The following KIAA0825 variants were observed in gnomAD, a reference collection of about 807,000 sequenced individuals.
The protein encoded by KIAA0825 is KIAA0825.
In KIAA0825, 119 loss-of-function variants were observed where a neutral mutation model predicts 147.6. That is an observed-to-expected ratio of 0.81 (90% CI 0.69 to 0.94). The LOEUF is 0.94. KIAA0825 is among the 40% of genes least tolerant of loss of function. The pLI is 0.00. For missense variants in KIAA0825, 1,381 were observed against 1,472.7 expected, an observed-to-expected ratio of 0.94 and a Z score of 1.02; for synonymous variants, 470 against 518.1, an observed-to-expected ratio of 0.91 and a Z score of 1.26.
intron 2 of KIAA0825, among the ~76,000 whole-genome samples, chr5:94,537,349 C>T (rs1196072380): frequency 3.3e-5 from 5 of 152,098 alleles, no homozygotes; most frequent in African/African-American, 1.2e-4. Context: ...TTTCGCACTT[C>T]TGTATTGTTT....
intron 20 of KIAA0825, among the ~76,000 whole-genome samples, chr5:94,250,778 C>G (rs1344187002): frequency 6.6e-6 from 1 of 151,906 alleles, no homozygotes; most frequent in Non-Finnish European, 1.5e-5. Flanking sequence ...TAGAAATTAA[C>G]AAAACAAGTT....
chr5:94,259,100 T>C (rs1480070969), intron 20 of KIAA0825, among the ~76,000 whole-genome samples: 1 of 152,052 alleles, frequency 6.6e-6, no homozygotes, highest in African/African-American at 2.4e-5. Flanking sequence ...TGCTAGGTAG[T>C]TAAGTGATTT....
At position 94,417,869 on chromosome 5, in the gene KIAA0825, C is replaced by T. The variant is rs369714067; in HGVS notation, c.2498-504G>A. On this transcript the variant is annotated intron_variant, in intron 14 of 20. Transcript: ENST00000682413. ...ATGAATGTTTCTTAAATCCACAGACCTTGTCATATCAGACTGAAGAGTTTT... is the reference window on the plus strand; with the variant it reads ...ATGAATGTTTCTTAAATCCACAGACTTTGTCATATCAGACTGAAGAGTTTT... 1.1e-3 allele frequency among the ~76,000 whole-genome samples: 163 copies of T among 152,192 alleles called. 2 individuals are homozygous for T. Among genetic ancestry groups the T allele is most frequent in the African/African-American group, 3.8e-3 (157 of 41,538 alleles).
chr5:94,172,982 T>C (rs1248134026), intron 20 of KIAA0825, among the ~76,000 whole-genome samples: 1 of 152,202 alleles, frequency 6.6e-6, no homozygotes, highest in East Asian at 1.9e-4. Flanking sequence ...GGGTTGGTAT[T>C]TTACTGTCCC....
At chr5:94,308,999 GT>G (rs1778928149) in intron 20 of KIAA0825, among the ~76,000 whole-genome samples, 1 of 151,890 alleles carries the variant, frequency 6.6e-6, no homozygotes, top group African/African-American at 2.4e-5. Flanking sequence ...CTTTTCTTTA[GT>G]CATATTCAAT....
At chr5:94,602,219 C>T (rs549166738) in intron 1 of KIAA0825, among the ~76,000 whole-genome samples, 5 of 152,100 alleles carry the variant, frequency 3.3e-5, no homozygotes, top group Admixed American at 2.6e-4. Flanking sequence ...GGTGTGGTAG[C>T]GGGCACCTGT....
chr5:94,618,448 C>T (rs1791189945), intron 1 of KIAA0825, 52 bp downstream of exon 1: 1 of 152,578 alleles, frequency 6.6e-6, no homozygotes, highest in Admixed American at 6.5e-5. Context: ...GCACAGAGCC[C>T]CGGCCAGCCA....
At chr5:94,551,218 C>A (rs1426825185) in intron 2 of KIAA0825, among the ~76,000 whole-genome samples, 1 of 151,460 alleles carries the variant, frequency 6.6e-6, no homozygotes, top group Non-Finnish European at 1.5e-5. Context: ...GTTTATGGGA[C>A]ACAATTAAAT....
chr5:94,519,406 A>G (rs961620503), intron 5 of KIAA0825: 5 of 919,944 alleles, frequency 5.4e-6, no homozygotes, highest in African/African-American at 5.4e-5. Context: ...ACTAATGATA[A>G]TTTTAGAAAT....
intron 20 of KIAA0825, among the ~76,000 whole-genome samples, chr5:94,340,360 G>A (rs1379287114): frequency 1.3e-5 from 2 of 151,984 alleles, no homozygotes; most frequent in Admixed American, 6.5e-5. Context: ...TTTTGGGGGG[G>A]AATATTTTCA....
chr5:94,396,837 G>A (rs1282656874), intron 16 of KIAA0825, among the ~76,000 whole-genome samples: 1 of 151,922 alleles, frequency 6.6e-6, no homozygotes, highest in Non-Finnish European at 1.5e-5. Flanking sequence ...GGGCAGCTTT[G>A]TAGGCTTTGG....
In KIAA0825 at chr5:94,539,297, G is replaced by C. The variant is rs116883297; in HGVS notation, c.-1-2170C>G. ...AAATGGGCAACCAGCAGCCCATGGG[G>C]CTGCTCTGTCTATGGAGTAACCATT... On this transcript the variant is annotated intron_variant, in intron 2 of 20. Coordinates refer to ENST00000682413, the MANE Select transcript of KIAA0825 (RefSeq NM_001145678.3). Among the ~76,000 whole-genome samples the C allele has an allele frequency of 9.2e-3, 1,399 of 152,252 alleles. 14 individuals are homozygous for C. Among genetic ancestry groups the C allele is most frequent in the East Asian group, 0.027 (138 of 5,176 alleles).
At chr5:94,564,686 G>A (rs1407944322) in intron 2 of KIAA0825, among the ~76,000 whole-genome samples, 1 of 151,724 alleles carries the variant, frequency 6.6e-6, no homozygotes, top group South Asian at 2.1e-4. Flanking sequence ...TTACAGGCAC[G>A]AGCAACTGCT....
intron 3 of KIAA0825, among the ~76,000 whole-genome samples, chr5:94,527,914 A>G (rs1769668155): frequency 6.6e-6 from 1 of 152,078 alleles, no homozygotes; most frequent in Non-Finnish European, 1.5e-5. Flanking sequence ...TCAGCCATGA[A>G]ATGAAAACTT....
chr5:94,161,777 C>T (rs968244862), intron 20 of KIAA0825, among the ~76,000 whole-genome samples: 1 of 151,978 alleles, frequency 6.6e-6, no homozygotes, highest in Non-Finnish European at 1.5e-5. Context: ...TTTTTATGAG[C>T]CTCAGGAATG....
At chr5:94,244,508 A>AC (rs1319438893) in intron 20 of KIAA0825, among the ~76,000 whole-genome samples, 2 of 151,956 alleles carry the variant, frequency 1.3e-5, no homozygotes, top group Non-Finnish European at 2.9e-5. Flanking sequence ...AACTTAAAAA[A>AC]ATTTTTTTCT....
intron 2 of KIAA0825, among the ~76,000 whole-genome samples, chr5:94,578,554 A>G (rs1781484430): frequency 2.0e-5 from 3 of 152,126 alleles, no homozygotes; most frequent in African/African-American, 4.8e-5. Flanking sequence ...TTTTAAGATA[A>G]ATTGTGACTA....
chr5:94,305,701 T>G (rs1175066673), intron 20 of KIAA0825, among the ~76,000 whole-genome samples: 1 of 151,910 alleles, frequency 6.6e-6, no homozygotes, highest in Non-Finnish European at 1.5e-5. Flanking sequence ...GCATGGTACA[T>G]CAAACATAAA....
At chr5:94,373,562 G>A (rs1050740044) in intron 20 of KIAA0825, among the ~76,000 whole-genome samples, 43 of 152,230 alleles carry the variant, frequency 2.8e-4, no homozygotes, top group African/African-American at 1.0e-3. Context: ...GAGAGAATGA[G>A]ATCTAAGCAG....
Sources: gnomAD v4.1 joint callset for allele counts (sites outside exome capture counted in the v4.1 genomes callset) on GRCh38, gnomAD v4.1.1 for gene constraint, MANE v1.5 for transcripts, NCBI Gene and HGNC (gene_info 2026-07-23, HGNC 2026-07-21) for gene names.